The following EXT1 variants were observed in gnomAD, a reference collection of about 807,000 sequenced individuals.
EXT1 encodes exostosin-1.
A neutral mutation model predicts 82.5 loss-of-function variants in EXT1; 20 were observed. That is an observed-to-expected ratio of 0.24 (90% CI 0.17 to 0.35). EXT1 has a LOEUF of 0.35. Among genes scored for constraint, EXT1 ranks in the 10% least tolerant of loss-of-function variants. The pLI is 1.00. For synonymous variants in EXT1, 348 were observed against 350.8 expected (o/e 0.99, Z 0.09); for missense variants, 757 against 936.5 (o/e 0.81, Z 2.50).
At chr8:117,803,554 T>C (rs1197367247) in intron 10 of EXT1, among the ~76,000 whole-genome samples, 1 of 152,102 alleles carries the variant, frequency 6.6e-6, no homozygotes, top group Non-Finnish European at 1.5e-5. Context: ...TAAAGATAGA[T>C]GAAATTCGGC....
chr8:117,887,595 C>T (rs1813169413), intron 1 of EXT1, among the ~76,000 whole-genome samples: 2 of 151,992 alleles, frequency 1.3e-5, no homozygotes, highest in African/African-American at 4.8e-5. Context: ...CGTGATCTGC[C>T]CAGCTTGGTC....
rs1020988169 is a variant in EXT1 at position 118,070,665 on chromosome 8, G to A, written c.962+39420C>T. On this transcript the variant is annotated intron_variant, in intron 1 of 10. Coordinates refer to ENST00000378204, the MANE Select transcript of EXT1 (RefSeq NM_000127.3). ...AAATTCTTTTATGACTTAATTAAGT[G>A]TGAATTAATGGGAATTGTATTTTAT... 2.6e-5 allele frequency among the ~76,000 whole-genome samples: 4 copies of A among 152,156 alleles called. 1 individual carries two copies. The highest frequency in any genetic ancestry group is 4.4e-5 in the Non-Finnish European group (3 of 68,012).
At chr8:118,039,613 C>T (rs1408698610) in intron 1 of EXT1, among the ~76,000 whole-genome samples, 11 of 150,148 alleles carry the variant, frequency 7.3e-5, no homozygotes, top group South Asian at 2.1e-4. Context: ...AAAAGACCAC[C>T]GACTGGTACT....
chr8:117,875,169 C>A (rs1427502454), intron 1 of EXT1, among the ~76,000 whole-genome samples: 1 of 152,088 alleles, frequency 6.6e-6, no homozygotes, highest in Non-Finnish European at 1.5e-5. Context: ...GTAATCCCAG[C>A]ACTTTGGGGG....
At chr8:117,911,332 T>C (rs1813643436) in intron 1 of EXT1, among the ~76,000 whole-genome samples, 2 of 152,152 alleles carry the variant, frequency 1.3e-5, no homozygotes, top group Non-Finnish European at 2.9e-5. Flanking sequence ...AGCATGTTAC[T>C]CTAACCATCA....
intron 1 of EXT1, among the ~76,000 whole-genome samples, chr8:118,101,042 C>T (rs535208268): frequency 1.3e-5 from 2 of 152,320 alleles, no homozygotes; most frequent in African/African-American, 4.8e-5. Context: ...AGTTTCGAAA[C>T]TAAATGAACC....
At chr8:117,995,911 CTGAA>C (rs1389911197) in intron 1 of EXT1, among the ~76,000 whole-genome samples, 1 of 152,160 alleles carries the variant, frequency 6.6e-6, no homozygotes, top group East Asian at 1.9e-4. Flanking sequence ...TCACTGTCTG[CTGAA>C]TGAATAATAA....
chr8:118,093,240 A>C (rs1187311964), intron 1 of EXT1, among the ~76,000 whole-genome samples: 4 of 146,022 alleles, frequency 2.7e-5, no homozygotes, highest in Non-Finnish European at 6.0e-5. Flanking sequence ...AAAACAATAT[A>C]CACCACATGC....
At chr8:118,039,432 C>T (rs957318675) in intron 1 of EXT1, among the ~76,000 whole-genome samples, 4 of 151,526 alleles carry the variant, frequency 2.6e-5, no homozygotes, top group African/African-American at 7.3e-5. Flanking sequence ...TAAGGGTGCA[C>T]GCCTGTAATC....
At chr8:117,824,422 C>T (rs574662813) in intron 4 of EXT1, among the ~76,000 whole-genome samples, 5 of 152,288 alleles carry the variant, frequency 3.3e-5, no homozygotes, top group South Asian at 2.1e-4. Flanking sequence ...TGTCTTCCAA[C>T]GGATCTTGAC....
chr8:117,851,793 C>T (rs907141466), intron 1 of EXT1, among the ~76,000 whole-genome samples: 3 of 152,098 alleles, frequency 2.0e-5, no homozygotes, highest in Non-Finnish European at 2.9e-5. Context: ...ATAATTGGTG[C>T]CATTCTTGGA....
intron 1 of EXT1, among the ~76,000 whole-genome samples, chr8:117,942,433 C>T (rs770628021): frequency 2.2e-4 from 33 of 152,202 alleles, no homozygotes; most frequent in Non-Finnish European, 4.4e-4. Context: ...TACTCAAGGA[C>T]GGGTGCGGTG....
intron 5 of EXT1, among the ~76,000 whole-genome samples, chr8:117,820,406 T>C (rs1183905805): frequency 6.6e-6 from 1 of 152,108 alleles, no homozygotes; most frequent in Non-Finnish European, 1.5e-5. Context: ...TCAGTAAGTT[T>C]GTCTGGGCAC....
At chr8:117,963,457 C>T (rs1239778418) in intron 1 of EXT1, among the ~76,000 whole-genome samples, 3 of 152,140 alleles carry the variant, frequency 2.0e-5, no homozygotes, top group South Asian at 4.2e-4. Flanking sequence ...CTTCTCTATT[C>T]GAGTTTTGTT....
At chr8:117,974,797 C>T (rs1191761961) in intron 1 of EXT1, among the ~76,000 whole-genome samples, 2 of 152,080 alleles carry the variant, frequency 1.3e-5, no homozygotes, top group African/African-American at 4.8e-5. Context: ...TTTGTTGCCA[C>T]CTCTCAGATA....
At chr8:117,882,907 A>T (rs1813084835) in intron 1 of EXT1, among the ~76,000 whole-genome samples, 1 of 151,338 alleles carries the variant, frequency 6.6e-6, no homozygotes, top group Non-Finnish European at 1.5e-5. Context: ...AACTGGGGAG[A>T]CAGAGATTGC....
chr8:118,012,183 C>G (rs906329626), intron 1 of EXT1, among the ~76,000 whole-genome samples: 1 of 152,194 alleles, frequency 6.6e-6, no homozygotes, highest in Non-Finnish European at 1.5e-5. Context: ...AGTAGGGAAC[C>G]CTCAATGAAG....
intron 1 of EXT1, among the ~76,000 whole-genome samples, chr8:117,848,419 C>T (rs137923697): frequency 1.3e-3 from 194 of 152,298 alleles, no homozygotes; most frequent in Non-Finnish European, 2.1e-3. Context: ...TCCAGCTGGC[C>T]ATGCTTCCCA....
chr8:118,060,442 C>T (rs1225607100), intron 1 of EXT1, among the ~76,000 whole-genome samples: 1 of 152,208 alleles, frequency 6.6e-6, no homozygotes, highest in African/African-American at 2.4e-5. Context: ...CACTTTCTTG[C>T]ATGACAACCA....
Sources: gnomAD v4.1 joint callset for allele counts (sites outside exome capture counted in the v4.1 genomes callset) on GRCh38, gnomAD v4.1.1 for gene constraint, MANE v1.5 for transcripts, NCBI Gene and HGNC (gene_info 2026-07-23, HGNC 2026-07-21) for gene names.